The following SNX18 variants were observed in gnomAD, a reference collection of about 807,000 sequenced individuals.
The protein encoded by SNX18 is sorting nexin-18.
SNX18 carries 35 observed loss-of-function variants against 48.7 expected under a neutral mutation model. The observed-to-expected ratio is 0.72, with a 90% CI of 0.55 to 0.95. The LOEUF (loss-of-function observed/expected upper bound fraction) is 0.95, where lower values mean the gene tolerates loss of function less well. Ranked by LOEUF, SNX18 falls within the 40% of genes least tolerant of loss-of-function variation. The pLI is 0.00. For synonymous variants in SNX18, 492 were observed against 384.7 expected (o/e 1.28, Z -3.26); for missense variants, 824 against 871.0 (o/e 0.95, Z 0.68).
the SNX18 span, among the ~76,000 whole-genome samples, chr5:54,618,946 G>GAA: frequency 8.7e-5 from 13 of 149,954 alleles, no homozygotes; most frequent in Admixed American, 4.6e-4. Flanking sequence ...CTGAAAAGTA[G>GAA]AAAAAAAAAG....
chr5:54,533,562 G>T (rs563347978), intron 1 of SNX18, among the ~76,000 whole-genome samples: 2 of 152,340 alleles, frequency 1.3e-5, no homozygotes, highest in African/African-American at 4.8e-5. Context: ...AATTGCCTGA[G>T]TTGGGCAGAC....
chr5:54,566,504 C>T, the SNX18 span, among the ~76,000 whole-genome samples: 2 of 152,114 alleles, frequency 1.3e-5, no homozygotes, highest in African/African-American at 2.4e-5. Flanking sequence ...ACATTGGAGC[C>T]CTTGTCACAG....
chr5:54,543,141 TA>T, intron 1 of SNX18, 37 bp from the exon 2 acceptor site: 18 of 1,589,900 alleles, frequency 1.1e-5, no homozygotes, highest in Non-Finnish European at 1.5e-5. Flanking sequence ...GATATGTGGA[TA>T]TATAGGTTTT....
At chr5:54,616,046 C>T in the SNX18 span, among the ~76,000 whole-genome samples, 1 of 152,204 alleles carries the variant, frequency 6.6e-6, no homozygotes, top group Non-Finnish European at 1.5e-5. Context: ...GCTGGCTAAA[C>T]TGGCAGCATT....
At chr5:54,630,323 CTG>C in the SNX18 span, among the ~76,000 whole-genome samples, 182 of 151,818 alleles carry the variant, frequency 1.2e-3, no homozygotes, top group African/African-American at 4.1e-3. Context: ...ACTTGTGTAC[CTG>C]TGTGTGTGTG....
chr5:54,562,122 C>G, the SNX18 span, among the ~76,000 whole-genome samples: 1 of 152,128 alleles, frequency 6.6e-6, no homozygotes, highest in Non-Finnish European at 1.5e-5. Context: ...AAGTGCACAG[C>G]CTTCGTTAGC....
At chr5:54,603,231 A>AAT in the SNX18 span, among the ~76,000 whole-genome samples, 255 of 113,816 alleles carry the variant, frequency 2.2e-3, 1 homozygote, top group East Asian at 0.016. Flanking sequence ...ATTATTTAAA[A>AAT]ATATATATAT....
At chr5:54,532,745 C>G (rs1310508061) in intron 1 of SNX18, among the ~76,000 whole-genome samples, 1 of 152,110 alleles carries the variant, frequency 6.6e-6, no homozygotes, top group Non-Finnish European at 1.5e-5. Flanking sequence ...GGCTGGAACA[C>G]AAGAACCTTT....
Position 54,518,834 on chromosome 5 carries a change from C to T in SNX18, c.882C>T (p.Ser294=), listed in dbSNP as rs1416159945. The change falls in exon 1 of 2, where the codon AGC becomes AGT. Residue 294 remains serine, a synonymous_variant. Transcript: ENST00000381410. ...TKQTKFKGMK[S]YISYKLVPTH... is the part of the protein sequence containing the mutation. ...AGACCAAGTTCAAGGGCATGAAGAG[C>T]TACATCTCCTACAAGCTGGTGCCCA... is the stretch of plus-strand genomic sequence containing the variant. The T allele has an allele frequency of 6.2e-7, 1 of 1,609,834 alleles. No homozygotes were observed. Among genetic ancestry groups the T allele is most frequent in the Admixed American group, 1.7e-5 (1 of 59,638 alleles).
the SNX18 span, among the ~76,000 whole-genome samples, chr5:54,597,379 C>G: frequency 1.3e-5 from 2 of 150,688 alleles, no homozygotes; most frequent in Non-Finnish European, 3.0e-5. Flanking sequence ...CAGCCCTGGG[C>G]CAAGTTGACC....
At chr5:54,528,420 C>T (rs1762179845) in intron 1 of SNX18, among the ~76,000 whole-genome samples, 1 of 152,108 alleles carries the variant, frequency 6.6e-6, no homozygotes, top group South Asian at 2.1e-4. Flanking sequence ...TAAGACAGTG[C>T]ATGGGAGTCC....
In SNX18 at chr5:54,518,933, C is replaced by G; in HGVS notation, c.981C>G (p.Phe327Leu). The G allele has an allele frequency of 1.2e-6, 2 of 1,613,860 alleles. No homozygotes were observed. The highest frequency in any genetic ancestry group is 1.7e-6 in the Non-Finnish European group (2 of 1,180,036). ...TGTACGCGCGCCTGGCGGAGAAGTT[C>G]CCGGTCATCTCCGTGCCCCACCTGC... ...DWLYARLAEK[F>L]PVISVPHLPE... Residue 327 changes from phenylalanine (F) to leucine (L), a missense_variant, in exon 1 of 2, where the codon TTC (phenylalanine) becomes TTG (leucine). This residue lies in a region of SNX18 where 443 missense variants were observed against 503.6 expected (regional missense o/e 0.88). Transcript: ENST00000381410.
At chr5:54,552,870 G>T in the SNX18 span, among the ~76,000 whole-genome samples, 6 of 152,120 alleles carry the variant, frequency 3.9e-5, no homozygotes, top group African/African-American at 1.4e-4. Context: ...GAGGGAGGGA[G>T]TATGAGGAGT....
chr5:54,574,208 A>T, the SNX18 span, among the ~76,000 whole-genome samples: 1 of 152,224 alleles, frequency 6.6e-6, no homozygotes, highest in Admixed American at 6.5e-5. Flanking sequence ...CTGGGACCTC[A>T]CAAGGCTGTG....
the SNX18 span, among the ~76,000 whole-genome samples, chr5:54,621,478 T>C: frequency 6.6e-6 from 1 of 152,178 alleles, no homozygotes; most frequent in Non-Finnish European, 1.5e-5. Flanking sequence ...GCTAGTTTTC[T>C]AAAATAGCAA....
intron 1 of SNX18, among the ~76,000 whole-genome samples, chr5:54,536,247 A>G (rs971372091): frequency 2.6e-5 from 4 of 151,790 alleles, no homozygotes; most frequent in Non-Finnish European, 4.4e-5. Flanking sequence ...TTTTTTTATT[A>G]TACTTTAAGT....
At chr5:54,609,161 G>A in the SNX18 span, among the ~76,000 whole-genome samples, 9 of 152,170 alleles carry the variant, frequency 5.9e-5, no homozygotes, top group African/African-American at 2.2e-4. Flanking sequence ...TGTCCAGTAT[G>A]GTAGCCACTA....
chr5:54,645,041 G>C, the SNX18 span: 1 of 152,202 alleles, frequency 6.6e-6, no homozygotes, highest in Non-Finnish European at 1.5e-5. Flanking sequence ...ATCCACAGGT[G>C]ATTTGCATGC....
At chr5:54,594,510 GT>G in the SNX18 span, among the ~76,000 whole-genome samples, 2 of 152,146 alleles carry the variant, frequency 1.3e-5, no homozygotes, top group Admixed American at 6.6e-5. Flanking sequence ...TATGAGGGTG[GT>G]TTGCTGTGTC....
Sources: allele counts gnomAD v4.1 joint callset (sites outside exome capture counted in the v4.1 genomes callset), GRCh38; gene constraint gnomAD v4.1.1; regional missense constraint gnomAD v4.1.1; transcripts MANE v1.5; gene names NCBI Gene and HGNC (gene_info 2026-07-23, HGNC 2026-07-21).